SOX5: variants seen among roughly 807,000 people sequenced by gnomAD.
SOX5 encodes the protein transcription factor SOX-5.
SOX5 carries 9 observed loss-of-function variants against 92.0 expected under a neutral mutation model. That is an observed-to-expected ratio of 0.10 (90% CI 0.06 to 0.17). The LOEUF is 0.17. SOX5 is among the 10% of genes least tolerant of loss of function. The pLI is 1.00. For missense variants in SOX5, 642 were observed against 944.5 expected (o/e 0.68, Z 4.20); for synonymous variants, 344 against 336.3 (o/e 1.02, Z -0.25).
At chr12:23,958,369 G>T (rs903625497) in intron 4 of SOX5, among the ~76,000 whole-genome samples, 7 of 151,928 alleles carry the variant, frequency 4.6e-5, no homozygotes, top group African/African-American at 1.7e-4. Context: ...CTCATAAAAG[G>T]TAGAAATGCA....
chr12:23,874,900 A>C (rs1316879990), intron 2 of SOX5, among the ~76,000 whole-genome samples: 1 of 152,212 alleles, frequency 6.6e-6, no homozygotes, highest in East Asian at 1.9e-4. Flanking sequence ...CCATAGAAGA[A>C]GGGGGAAAGG....
chr12:24,336,134 A>G, intron 2 of SOX5, among the ~76,000 whole-genome samples: 1 of 151,022 alleles, frequency 6.6e-6, no homozygotes. Context: ...TCGCTCTGTC[A>G]CCCAGGCTGG....
intron 2 of SOX5, among the ~76,000 whole-genome samples, chr12:24,278,444 G>A (rs1416756016): frequency 6.6e-6 from 1 of 152,120 alleles, no homozygotes; most frequent in Non-Finnish European, 1.5e-5. Flanking sequence ...TGGGTATGAT[G>A]ACTCACGCCT....
chr12:24,300,465 G>C (rs933613369), intron 2 of SOX5, among the ~76,000 whole-genome samples: 6 of 152,112 alleles, frequency 3.9e-5, no homozygotes, highest in African/African-American at 9.7e-5. Context: ...GACTCAAATA[G>C]GACATTATCC....
intron 4 of SOX5, among the ~76,000 whole-genome samples, chr12:23,747,966 A>AG (rs998570859): frequency 1.3e-5 from 2 of 151,664 alleles, no homozygotes; most frequent in Admixed American, 6.6e-5. Flanking sequence ...GAGATTAAAA[A>AG]AAAAAAAAAA....
chr12:23,917,897 T>A (rs1018566527), intron 1 of SOX5, among the ~76,000 whole-genome samples: 1 of 152,206 alleles, frequency 6.6e-6, no homozygotes, highest in Non-Finnish European at 1.5e-5. Flanking sequence ...TATAATGGTA[T>A]GAATAAGAAG....
At chr12:23,870,580 C>T (rs568575680) in intron 2 of SOX5, among the ~76,000 whole-genome samples, 1 of 152,196 alleles carries the variant, frequency 6.6e-6, no homozygotes, top group Non-Finnish European at 1.5e-5. Flanking sequence ...CAATATAGAT[C>T]CACTTGTATG....
intron 10 of SOX5, among the ~76,000 whole-genome samples, chr12:23,573,882 A>G (rs1948737689): frequency 1.3e-5 from 2 of 152,208 alleles, no homozygotes; most frequent in African/African-American, 4.8e-5. Context: ...ACCAGAAAAC[A>G]GATAATAATA....
intron 8 of SOX5, among the ~76,000 whole-genome samples, chr12:23,631,068 T>C (rs1423327570): frequency 5.3e-5 from 8 of 151,998 alleles, no homozygotes; most frequent in Non-Finnish European, 1.2e-4. Flanking sequence ...CCCAGTAGCA[T>C]GCTTTGACTA....
chr12:24,335,436 C>A (rs1350566651), intron 2 of SOX5, among the ~76,000 whole-genome samples: 2 of 152,172 alleles, frequency 1.3e-5, no homozygotes, highest in Admixed American at 6.5e-5. Context: ...AAGTGCAGCA[C>A]ACATTATCAA....
intron 11 of SOX5, among the ~76,000 whole-genome samples, chr12:23,561,813 TAA>T (rs34791864): frequency 0.014 from 1,890 of 138,960 alleles, 19 homozygotes; most frequent in African/African-American, 0.024. Context: ...TTTGGAGGAT[TAA>T]AAAAAAAAAA....
chr12:24,099,384 C>T (rs1593151120), intron 4 of SOX5, among the ~76,000 whole-genome samples: 1 of 152,272 alleles, frequency 6.6e-6, no homozygotes, highest in East Asian at 1.9e-4. Flanking sequence ...AGGAACTGCA[C>T]TATGATATAA....
intron 3 of SOX5, among the ~76,000 whole-genome samples, chr12:23,826,712 T>C (rs961254294): frequency 6.7e-5 from 10 of 150,064 alleles, no homozygotes; most frequent in Non-Finnish European, 8.9e-5. Flanking sequence ...AAAAAAAAAG[T>C]AGAGAAGGAA....
chr12:24,191,976 T>A (rs767777223), intron 4 of SOX5, among the ~76,000 whole-genome samples: 4 of 152,206 alleles, frequency 2.6e-5, no homozygotes, highest in Non-Finnish European at 4.4e-5. Context: ...TAATTAAGGA[T>A]TATATGTAAA....
chr12:24,206,449 T>C (rs1253315804), intron 4 of SOX5, among the ~76,000 whole-genome samples: 2 of 152,160 alleles, frequency 1.3e-5, no homozygotes, highest in African/African-American at 4.8e-5. Flanking sequence ...TGCTGTGCAT[T>C]TGACTATGTT....
In SOX5 at chr12:24,307,447, T is replaced by TG. The variant is rs1565873573; in HGVS notation, c.-173-30136dup. On this transcript the variant is annotated intron_variant, in intron 2 of 4. Transcript: ENST00000446891. ...TCTTTCTCATTTAGTACTGTATAGCTGGAAAGGAAGGAAGGAAGGAAGGAA... is the reference window on the plus strand; with the variant it reads ...TCTTTCTCATTTAGTACTGTATAGCTGGGAAAGGAAGGAAGGAAGGAAGGAA... 6.8e-4 allele frequency among the ~76,000 whole-genome samples: 97 copies of TG among 143,210 alleles called. 3 individuals are homozygous for TG. The East Asian group carries it at 9.9e-3, about 15-fold the overall frequency. 94.0% of individuals were successfully genotyped at this position (143,210 alleles called of 152,430 possible).
chr12:24,548,141 G>C (rs1324457037), intron 1 of SOX5, among the ~76,000 whole-genome samples: 1 of 152,000 alleles, frequency 6.6e-6, no homozygotes, highest in Non-Finnish European at 1.5e-5. Context: ...AGACTCAGAG[G>C]GCTCAAGTAA....
intron 3 of SOX5, among the ~76,000 whole-genome samples, chr12:23,843,554 CTTTTTTTTT>C (rs71059931): frequency 0.017 from 1,200 of 71,314 alleles, 11 homozygotes; most frequent in Middle Eastern, 0.044. Flanking sequence ...GTCATTTCTC[CTTTTTTTTT>C]TTTTTTTTTT....
At chr12:24,220,033 G>T (rs1039876527) in intron 3 of SOX5, among the ~76,000 whole-genome samples, 1 of 151,964 alleles carries the variant, frequency 6.6e-6, no homozygotes, top group Non-Finnish European at 1.5e-5. Flanking sequence ...GGTAATTAAT[G>T]TTAATAGCTT....
Sources: gnomAD v4.1 joint callset for allele counts (sites outside exome capture counted in the v4.1 genomes callset) on GRCh38, gnomAD v4.1.1 for gene constraint, MANE v1.5 for transcripts, NCBI Gene and HGNC (gene_info 2026-07-23, HGNC 2026-07-21) for gene names.